WASF3: variants seen among roughly 807,000 people sequenced by gnomAD.
WASF3 encodes the protein WASP family member 3.
A neutral mutation model predicts 46.6 loss-of-function variants in WASF3; 11 were observed. The ratio of observed to expected loss-of-function variants is 0.24; its 90% CI spans 0.15 to 0.39. The LOEUF (loss-of-function observed/expected upper bound fraction) is 0.39, where lower values mean the gene tolerates loss of function less well. Among genes scored for constraint, WASF3 ranks in the 10% least tolerant of loss-of-function variants. The pLI is 1.00. For synonymous variants in WASF3, 242 were observed against 259.7 expected, an observed-to-expected ratio of 0.93 and a Z score of 0.65; for missense variants, 576 against 669.8, an observed-to-expected ratio of 0.86 and a Z score of 1.55.
chr13:26,638,890 AT>A (rs1881908513), intron 2 of WASF3, among the ~76,000 whole-genome samples: 1 of 152,072 alleles, frequency 6.6e-6, no homozygotes, highest in South Asian at 2.1e-4. Flanking sequence ...GTGGGAATGG[AT>A]TACTTCCTGT....
At chr13:26,558,224 G>C (rs116272983) in intron 1 of WASF3, among the ~76,000 whole-genome samples, 3,815 of 152,072 alleles carry the variant, frequency 0.025, 176 homozygotes, top group African/African-American at 0.086. Context: ...GCCGCTCCGC[G>C]TCCGGGACCT....
At chr13:26,639,717 A>G (rs1351255358) in intron 2 of WASF3, 1 of 152,262 alleles carries the variant, frequency 6.6e-6, no homozygotes, top group Non-Finnish European at 1.5e-5. Context: ...AGGTCAACAG[A>G]TTAGGAGACA....
chr13:26,612,033 C>G (rs546533674), intron 1 of WASF3, among the ~76,000 whole-genome samples: 1 of 152,258 alleles, frequency 6.6e-6, no homozygotes, highest in East Asian at 1.9e-4. Flanking sequence ...CTTGATGCCT[C>G]CCACCCTTGT....
At chr13:26,632,131 G>A (rs1881670293) in intron 2 of WASF3, among the ~76,000 whole-genome samples, 1 of 152,174 alleles carries the variant, frequency 6.6e-6, no homozygotes, top group African/African-American at 2.4e-5. Context: ...GGGACAATTT[G>A]ACTTCCTCTT....
intron 2 of WASF3, among the ~76,000 whole-genome samples, chr13:26,637,567 T>C (rs1434093045): frequency 1.3e-5 from 2 of 152,190 alleles, no homozygotes; most frequent in Non-Finnish European, 2.9e-5. Context: ...CATTTAGCTG[T>C]TAACTGCTTG....
intron 2 of WASF3, among the ~76,000 whole-genome samples, chr13:26,623,059 G>A (rs892494297): frequency 1.3e-5 from 2 of 152,160 alleles, no homozygotes; most frequent in Non-Finnish European, 2.9e-5. Context: ...AGCACAGGGG[G>A]AACAGGTAAC....
intron 2 of WASF3, among the ~76,000 whole-genome samples, chr13:26,614,501 G>T (rs533033863): frequency 6.6e-6 from 1 of 152,306 alleles, no homozygotes; most frequent in East Asian, 1.9e-4. Flanking sequence ...TGCACCTAAA[G>T]CACTACTTTA....
Position 26,680,151 on chromosome 13 carries a change from A to T in WASF3, c.717-903A>T, listed in dbSNP as rs769926130. On this transcript the variant is annotated intron_variant, in intron 7 of 9. Transcript: ENST00000335327. ...TGGGCATTGAGTTTATGAGTGACGC[A>T]AAGAAACTGGAGCAGGCAGGGAGCG... is the stretch of plus-strand genomic sequence containing the variant. 15 of 1,596,998 alleles carry T rather than the reference A, an allele frequency of 9.4e-6. No individual in the cohort carries two copies. The African/African-American group carries it at 2.0e-4, about 21-fold the overall frequency.
intron 1 of WASF3, among the ~76,000 whole-genome samples, chr13:26,578,438 C>T (rs1879867023): frequency 1.3e-5 from 2 of 152,168 alleles, no homozygotes; most frequent in Admixed American, 1.3e-4. Flanking sequence ...AACTTCCCCT[C>T]CCTGCAGTTG....
chr13:26,642,241 A>T lies in WASF3; in HGVS notation c.-10-20A>T. 1 of 1,511,272 alleles carries T rather than the reference A, an allele frequency of 6.6e-7. No individual in the cohort carries two copies. The highest frequency in any genetic ancestry group is 8.8e-7 in the Non-Finnish European group (1 of 1,132,516). The allele number at this position is 1,511,272 out of a possible 1,614,324, so 93.6% of individuals were successfully genotyped here. On this transcript the variant is annotated intron_variant, in intron 2 of 9. Coordinates refer to ENST00000335327, the MANE Select transcript of WASF3 (RefSeq NM_006646.6). ...AAAATGTGAATATGAGCTTATAAAG[A>T]ATGTGTTTTCAATTTTCAGATTGTG...
chr13:26,584,748 AT>A (rs571370610), intron 1 of WASF3, among the ~76,000 whole-genome samples: 1 of 152,216 alleles, frequency 6.6e-6, no homozygotes, highest in African/African-American at 2.4e-5. Flanking sequence ...TTATTCAGAA[AT>A]TTTAGTTGCT....
chr13:26,669,314 C>G (rs1882862777), intron 5 of WASF3, among the ~76,000 whole-genome samples: 1 of 138,236 alleles, frequency 7.2e-6, no homozygotes, highest in African/African-American at 2.8e-5. Context: ...TGGGTTCAAG[C>G]GATTCTCCTG....
chr13:26,677,201 T>C (rs1219853699), intron 7 of WASF3, among the ~76,000 whole-genome samples: 1 of 152,230 alleles, frequency 6.6e-6, no homozygotes, highest in Non-Finnish European at 1.5e-5. Context: ...TACTTCTTAT[T>C]TCAGATAACT....
At chr13:26,683,100 G>A (rs1883293069) in intron 9 of WASF3, 126 bp downstream of exon 9, 1 of 1,330,066 alleles carries the variant, frequency 7.5e-7, no homozygotes, top group African/African-American at 1.5e-5. Context: ...AGTTAAAGGG[G>A]TCTTACTTGA....
At chr13:26,631,070 G>A (rs895250289) in intron 2 of WASF3, among the ~76,000 whole-genome samples, 3 of 152,160 alleles carry the variant, frequency 2.0e-5, no homozygotes, top group African/African-American at 4.8e-5. Context: ...TGTCAGATGA[G>A]TAGATTGCAA....
At chr13:26,626,456 C>T (rs951311401) in intron 2 of WASF3, 4 of 152,148 alleles carry the variant, frequency 2.6e-5, no homozygotes, top group African/African-American at 4.8e-5. Flanking sequence ...ACAGATGGGC[C>T]TAGCAGAAGG....
In WASF3 at chr13:26,610,515, G is replaced by T. The variant is rs1211693851; in HGVS notation, c.-108-2446G>T. On this transcript the variant is annotated intron_variant, in intron 1 of 9. Transcript: ENST00000335327. Reference sequence around the variant, plus strand: ...AACTACATATATATGTGTTTATTGAGCAGGTAGAGGCATGGATGGATGGAG... The same window carrying T: ...AACTACATATATATGTGTTTATTGATCAGGTAGAGGCATGGATGGATGGAG... Among the ~76,000 whole-genome samples, 5 of 152,296 alleles carry T rather than the reference G, an allele frequency of 3.3e-5. No homozygotes were observed. The East Asian group carries it at 7.7e-4, about 23-fold the overall frequency.
rs985110416 is a variant in WASF3 at position 26,665,025 on chromosome 13, C to T, written c.134-3C>T. 4 of 1,613,932 alleles carry T rather than the reference C, an allele frequency of 2.5e-6. No homozygotes were observed. The highest frequency in any genetic ancestry group is 3.4e-6 in the Non-Finnish European group (4 of 1,179,884). On this transcript the variant is annotated splice_polypyrimidine_tract_variant and splice_region_variant and intron_variant, in intron 3 of 9. Transcript: ENST00000335327. ...GGCCTTCTCCATTCATTTTATTCTACAGGCAAACATGCTGAAGACATATTT... is the reference window on the plus strand; with the variant it reads ...GGCCTTCTCCATTCATTTTATTCTATAGGCAAACATGCTGAAGACATATTT...
the WASF3 span, among the ~76,000 whole-genome samples, chr13:26,552,456 C>T: frequency 1.1e-4 from 16 of 151,918 alleles, no homozygotes; most frequent in Non-Finnish European, 1.6e-4. Context: ...TTCTTTGAGA[C>T]GTAGATATGG....
Sources: gnomAD v4.1 joint callset for allele counts (sites outside exome capture counted in the v4.1 genomes callset) on GRCh38, gnomAD v4.1.1 for gene constraint, MANE v1.5 for transcripts, NCBI Gene and HGNC (gene_info 2026-07-23, HGNC 2026-07-21) for gene names.